The following SCFD2 variants were observed in gnomAD, a reference collection of about 807,000 sequenced individuals.
The protein encoded by SCFD2 is sec1 family domain-containing protein 2.
A neutral mutation model predicts 58.9 loss-of-function variants in SCFD2; 54 were observed. The observed-to-expected ratio is 0.92, with a 90% CI of 0.74 to 1.15. SCFD2 has a LOEUF of 1.15. SCFD2 is among the 50% of genes most tolerant of loss of function. The pLI is 0.00. For synonymous variants in SCFD2, 321 were observed against 335.9 expected, an observed-to-expected ratio of 0.96 and a Z score of 0.49; for missense variants, 805 against 836.6, an observed-to-expected ratio of 0.96 and a Z score of 0.47.
rs531753916 is a variant in SCFD2 at position 53,218,224 on chromosome 4, A to C, written c.1311+55602T>G. Among the ~76,000 whole-genome samples the C allele has an allele frequency of 7.9e-5, 12 of 152,308 alleles. No homozygotes were observed. In the South Asian group the frequency reaches 1.7e-3, roughly 21 times the overall value. Reference sequence around the variant, plus strand: ...GATTGGGGAAGTTCTCCTGGATAATATCCTGAAGAGTGTTTTCCACCTTGG... The same window carrying C: ...GATTGGGGAAGTTCTCCTGGATAATCTCCTGAAGAGTGTTTTCCACCTTGG... On this transcript the variant is annotated intron_variant, in intron 4 of 8. Coordinates refer to ENST00000401642, the MANE Select transcript of SCFD2 (RefSeq NM_152540.4).
chr4:53,330,258 C>G (rs1170253170), intron 2 of SCFD2, among the ~76,000 whole-genome samples: 1 of 151,992 alleles, frequency 6.6e-6, no homozygotes, highest in Non-Finnish European at 1.5e-5. Flanking sequence ...CACAAAGATA[C>G]TCCTCAAGAA....
At chr4:53,183,648 A>T (rs150701975) in intron 4 of SCFD2, among the ~76,000 whole-genome samples, 2,786 of 143,378 alleles carry the variant, frequency 0.019, 88 homozygotes, top group African/African-American at 0.066. Context: ...AACTTAAAGT[A>T]TAATAATAAT....
intron 4 of SCFD2, among the ~76,000 whole-genome samples, chr4:53,252,788 G>C (rs1243795334): frequency 6.6e-6 from 1 of 152,080 alleles, no homozygotes; most frequent in African/African-American, 2.4e-5. Flanking sequence ...AAAAACCCTA[G>C]AAGAAAACCT....
At chr4:53,189,799 G>A (rs1727841886) in intron 4 of SCFD2, among the ~76,000 whole-genome samples, 1 of 152,180 alleles carries the variant, frequency 6.6e-6, no homozygotes, top group Non-Finnish European at 1.5e-5. Flanking sequence ...CTACCTCCAA[G>A]CAGATCTGTG....
intron 4 of SCFD2, among the ~76,000 whole-genome samples, chr4:53,203,270 A>C (rs1728307453): frequency 1.3e-5 from 2 of 152,152 alleles, no homozygotes; most frequent in Admixed American, 1.3e-4. Flanking sequence ...CCTTTTCTGC[A>C]TCTATTGAGA....
intron 2 of SCFD2, among the ~76,000 whole-genome samples, chr4:53,321,462 A>T (rs1454963893): frequency 6.6e-6 from 1 of 152,132 alleles, no homozygotes; most frequent in Non-Finnish European, 1.5e-5. Flanking sequence ...GCGTACCATT[A>T]TCTTGTGACT....
intron 5 of SCFD2, among the ~76,000 whole-genome samples, chr4:53,134,832 A>T (rs1725891528): frequency 6.6e-6 from 1 of 152,194 alleles, no homozygotes. Context: ...TCAGTTCCTC[A>T]TGCTGGGAAG....
intron 5 of SCFD2, among the ~76,000 whole-genome samples, chr4:53,042,438 G>T (rs1216271798): frequency 1.3e-5 from 2 of 151,870 alleles, no homozygotes; most frequent in African/African-American, 4.8e-5. Flanking sequence ...CCTTCCCTGT[G>T]GTATAATTTA....
At chr4:53,228,410 C>A (rs1560397554) in intron 4 of SCFD2, among the ~76,000 whole-genome samples, 1 of 152,124 alleles carries the variant, frequency 6.6e-6, no homozygotes, top group East Asian at 1.9e-4. Flanking sequence ...TTGGCAAAAA[C>A]CCTTATGTAC....
At chr4:53,339,956 T>C (rs958938533) in intron 2 of SCFD2, among the ~76,000 whole-genome samples, 9 of 152,110 alleles carry the variant, frequency 5.9e-5, no homozygotes, top group African/African-American at 2.2e-4. Context: ...ATGATCTAAA[T>C]ATAACAAGCA....
chr4:53,184,557 T>A (rs983585821), intron 4 of SCFD2, among the ~76,000 whole-genome samples: 2 of 152,144 alleles, frequency 1.3e-5, no homozygotes, highest in Non-Finnish European at 2.9e-5. Context: ...AAAATTTCTA[T>A]CTTGCTTATA....
At chr4:52,903,505 T>C (rs1177052830) in intron 7 of SCFD2, among the ~76,000 whole-genome samples, 1 of 152,138 alleles carries the variant, frequency 6.6e-6, no homozygotes, top group Non-Finnish European at 1.5e-5. Context: ...CTGTGCTGCA[T>C]TCTGAATAAG....
intron 5 of SCFD2, among the ~76,000 whole-genome samples, chr4:53,073,745 G>T (rs1000090407): frequency 6.6e-5 from 10 of 150,658 alleles, no homozygotes; most frequent in Admixed American, 1.3e-4. Context: ...AATTTTTTTT[G>T]ATATAAAAGT....
intron 5 of SCFD2, among the ~76,000 whole-genome samples, chr4:53,047,770 G>A (rs1325148959): frequency 2.6e-5 from 4 of 152,214 alleles, no homozygotes; most frequent in Non-Finnish European, 5.9e-5. Flanking sequence ...TCCAAGGTGT[G>A]CTTTGCTAGT....
At chr4:52,996,273 G>GA (rs1348182172) in intron 5 of SCFD2, among the ~76,000 whole-genome samples, 1 of 152,126 alleles carries the variant, frequency 6.6e-6, no homozygotes, top group African/African-American at 2.4e-5. Flanking sequence ...GCCTCCCAGA[G>GA]CTTGAGCAAG....
At chr4:53,189,785 T>A (rs549119175) in intron 4 of SCFD2, among the ~76,000 whole-genome samples, 1 of 152,306 alleles carries the variant, frequency 6.6e-6, no homozygotes, top group East Asian at 1.9e-4. Flanking sequence ...GAGGTTACTC[T>A]ATGCTACCTC....
intron 2 of SCFD2, among the ~76,000 whole-genome samples, chr4:53,347,432 T>G (rs2149157740): frequency 6.6e-6 from 1 of 152,080 alleles, no homozygotes; most frequent in East Asian, 1.9e-4. Flanking sequence ...AACTCCCTAG[T>G]GGAGAGTTCT....
rs190284303 is a variant in SCFD2 at position 53,334,816 on chromosome 4, A to G, written c.1007+17782T>C. Among the ~76,000 whole-genome samples, 293 of 152,340 alleles carry G rather than the reference A, an allele frequency of 1.9e-3. 3 individuals are homozygous for G. Among genetic ancestry groups the G allele is most frequent in the Middle Eastern group, 6.8e-3 (2 of 294 alleles). Reference sequence around the variant, plus strand: ...ATTTGACATGGAAGAGACTATTTACATAATCTCAAAATGCCTTCTTTATTC... The same window carrying G: ...ATTTGACATGGAAGAGACTATTTACGTAATCTCAAAATGCCTTCTTTATTC... On this transcript the variant is annotated intron_variant, in intron 2 of 8. Transcript: ENST00000401642.
intron 3 of SCFD2, among the ~76,000 whole-genome samples, chr4:53,291,793 T>C (rs1274333316): frequency 2.0e-5 from 3 of 151,420 alleles, no homozygotes; most frequent in African/African-American, 7.3e-5. Flanking sequence ...CATAGACCAG[T>C]AGAAAAGAAT....
Sources: allele counts gnomAD v4.1 joint callset (sites outside exome capture counted in the v4.1 genomes callset), GRCh38; gene constraint gnomAD v4.1.1; transcripts MANE v1.5; gene names NCBI Gene and HGNC (gene_info 2026-07-23, HGNC 2026-07-21).